Variants in ANKRD13C observed in about 807,000 individuals in gnomAD.
ANKRD13C encodes the protein ankyrin repeat domain 13C.
In ANKRD13C, 16 loss-of-function variants were observed where a neutral mutation model predicts 65.5. The observed-to-expected ratio is 0.24, with a 90% CI of 0.17 to 0.37. ANKRD13C has a LOEUF of 0.37. ANKRD13C is among the 10% of genes least tolerant of loss of function. The pLI is 1.00. For synonymous variants in ANKRD13C, 235 were observed against 238.7 expected, an observed-to-expected ratio of 0.98 and a Z score of 0.14; for missense variants, 503 against 655.9, an observed-to-expected ratio of 0.77 and a Z score of 2.55.
At position 70,274,817 on chromosome 1, in the gene ANKRD13C, C is replaced by T; in HGVS notation, c.1297G>A (p.Ala433Thr). The T allele has an allele frequency of 6.2e-7, 1 of 1,608,626 alleles. No homozygotes were observed. Among genetic ancestry groups the T allele is most frequent in the South Asian group, 1.1e-5 (1 of 90,790 alleles). ...EEYISAENGK[A>T]PHLGRELVCK... The stretch of plus-strand genomic sequence containing the variant: ...ACCAATTCTCTACCCAGATGAGGAG[C>T]TCTAAAATGGGAGGAAAAAAAATGT... Residue 433 changes from alanine (A) to threonine (T), a missense_variant and splice_region_variant, in exon 11 of 13, where the codon GCT (alanine) becomes ACT (threonine). Physicochemically the swap from Ala to Thr is moderately conservative, Grantham distance 58. This residue lies in a region of ANKRD13C where 300 missense variants were observed against 478.3 expected (regional missense o/e 0.63). Coordinates refer to ENST00000370944, the MANE Select transcript of ANKRD13C (RefSeq NM_030816.5).
intron 7 of ANKRD13C, among the ~76,000 whole-genome samples, chr1:70,299,368 TG>T (rs1572083292): frequency 6.6e-6 from 1 of 152,186 alleles, no homozygotes; most frequent in East Asian, 1.9e-4. Context: ...CTTTAGGTAA[TG>T]GGGAACTTTT....
chr1:70,347,386 A>G (rs1456361715), intron 1 of ANKRD13C, among the ~76,000 whole-genome samples: 2 of 152,144 alleles, frequency 1.3e-5, no homozygotes, highest in Non-Finnish European at 2.9e-5. Flanking sequence ...ATTAAAGTAG[A>G]TTTCTATGAC....
intron 2 of ANKRD13C, among the ~76,000 whole-genome samples, chr1:70,331,857 TAA>T (rs1681821684): frequency 2.2e-5 from 3 of 135,716 alleles, no homozygotes; most frequent in African/African-American, 5.4e-5. Context: ...ACACTAAGTA[TAA>T]AGTAGATGTT....
At position 70,271,004 on chromosome 1, in the gene ANKRD13C, T is replaced by C. The variant is rs574535638; in HGVS notation, c.1395-48A>G. 6.7e-6 allele frequency: 8 copies of C among 1,195,932 alleles called. 1 individual carries two copies. In the East Asian group the frequency reaches 7.2e-5, roughly 11 times the overall value. The allele number at this position is 1,195,932 out of a possible 1,614,324, so 74.1% of individuals were successfully genotyped here. A position where few individuals can be genotyped will look rare whatever the true frequency, so the allele number is the denominator to read the frequency against. On this transcript the variant is annotated intron_variant, in intron 11 of 12. Transcript: ENST00000370944. ...AATGTTTTCATTGTTCAAATTGCCT[T>C]GTGTCCTTATGCTTTTCAACTACAT...
intron 3 of ANKRD13C, among the ~76,000 whole-genome samples, chr1:70,317,658 C>G (rs1462904634): frequency 2.0e-5 from 3 of 152,006 alleles, no homozygotes; most frequent in Non-Finnish European, 2.9e-5. Flanking sequence ...TCTGACAAAC[C>G]TTCCTGTTCA....
Position 70,336,087 on chromosome 1 carries a change from A to G in ANKRD13C, c.443T>C (p.Leu148Ser). The G allele has an allele frequency of 1.3e-6, 1 of 795,304 alleles. No homozygotes were observed. Among genetic ancestry groups the G allele is most frequent in the Non-Finnish European group, 1.7e-6 (1 of 572,786 alleles). 49.3% of individuals were successfully genotyped at this position (795,304 alleles called of 1,614,324 possible). Residue 148 changes from leucine to serine, a missense_variant, in exon 2 of 13, where the codon TTA becomes TCA. Physicochemically the swap from Leu to Ser is moderately radical, Grantham distance 145 (BLOSUM62 -2). Transcript: ENST00000370944. ...GQKDNHGNTP[L>S]HLAVMLGNKE... ...ATTTCCTAACATCACAGCAAGGTGT[A>G]AAGGAGTATTTCCTAAAAAAAATAA...
rs1678330303 is a variant in ANKRD13C at position 70,259,691 on chromosome 1, A to G, written c.*3026T>C. 6.6e-6 allele frequency among the ~76,000 whole-genome samples: 1 copy of G among 152,204 alleles called. No homozygotes were observed. Among genetic ancestry groups the G allele is most frequent in the Admixed American group, 6.5e-5 (1 of 15,276 alleles). On this transcript the variant is annotated 3_prime_UTR_variant, in exon 13 of 13. Transcript: ENST00000370944. ...CTTAGTTCTGCTATCTATCTTTACA[A>G]GTGACTTAATACCTCCTGTCCATTT...
chr1:70,330,789 C>T (rs1008929398), intron 2 of ANKRD13C, among the ~76,000 whole-genome samples: 1 of 151,988 alleles, frequency 6.6e-6, no homozygotes. Context: ...TTAAAAGTTG[C>T]AGCAACTGGT....
intron 1 of ANKRD13C, 54 bp downstream of exon 1, chr1:70,353,925 G>A: frequency 6.9e-7 from 1 of 1,454,476 alleles, no homozygotes; most frequent in Non-Finnish European, 9.1e-7. Context: ...GCCTGGGGAG[G>A]CACACCCTAG....
intron 1 of ANKRD13C, among the ~76,000 whole-genome samples, chr1:70,350,676 C>T (rs74336121): frequency 0.011 from 1,637 of 152,194 alleles, 28 homozygotes; most frequent in African/African-American, 0.037. Flanking sequence ...AAACACCAAA[C>T]GCACATTATG....
chr1:70,285,397 G>A (rs1476779359), intron 9 of ANKRD13C, among the ~76,000 whole-genome samples: 9 of 151,780 alleles, frequency 5.9e-5, no homozygotes, highest in African/African-American at 1.9e-4. Context: ...GTTTCACCAC[G>A]TTGGCCAGGC....
chr1:70,346,398 G>A (rs904940368), intron 1 of ANKRD13C, among the ~76,000 whole-genome samples: 4 of 152,032 alleles, frequency 2.6e-5, no homozygotes, highest in African/African-American at 9.7e-5. Context: ...CTTGCACTAA[G>A]ATGTCAACAA....
intron 2 of ANKRD13C, among the ~76,000 whole-genome samples, chr1:70,331,417 C>A (rs944971718): frequency 6.7e-6 from 1 of 149,760 alleles, no homozygotes; most frequent in Non-Finnish European, 1.5e-5. Flanking sequence ...AAAAATTAGC[C>A]GGGCATGGTA....
chr1:70,288,201 G>A (rs569153883), intron 9 of ANKRD13C, among the ~76,000 whole-genome samples: 32 of 152,308 alleles, frequency 2.1e-4, no homozygotes, highest in African/African-American at 7.7e-4. Flanking sequence ...AAATGGGATA[G>A]CATTGAACAC....
chr1:70,278,729 A>G (rs1199058548), intron 9 of ANKRD13C, among the ~76,000 whole-genome samples: 1 of 152,178 alleles, frequency 6.6e-6, no homozygotes, highest in Non-Finnish European at 1.5e-5. Context: ...CATATATTAG[A>G]GTTGTTAAAA....
chr1:70,264,593 T>G (rs1678529960), intron 12 of ANKRD13C, among the ~76,000 whole-genome samples: 1 of 151,948 alleles, frequency 6.6e-6, no homozygotes, highest in South Asian at 2.1e-4. Context: ...GCTTCTCTCA[T>G]TCTCCAAAAA....
At chr1:70,337,572 A>G (rs574730437) in intron 1 of ANKRD13C, among the ~76,000 whole-genome samples, 1 of 152,086 alleles carries the variant, frequency 6.6e-6, no homozygotes, top group East Asian at 1.9e-4. Context: ...CAAGAGTGAA[A>G]CTCTGTCTCA....
intron 10 of ANKRD13C, 28 bp downstream of exon 10, chr1:70,276,737 A>G: frequency 1.3e-6 from 2 of 1,515,270 alleles, no homozygotes; most frequent in Non-Finnish European, 1.8e-6. Flanking sequence ...TAAAAACCAA[A>G]TAACACATAA....
At chr1:70,351,562 G>A (rs1682745219) in intron 1 of ANKRD13C, among the ~76,000 whole-genome samples, 1 of 151,934 alleles carries the variant, frequency 6.6e-6, no homozygotes. Flanking sequence ...ACCATGCCAG[G>A]CTAATTTTCA....
Sources: gnomAD v4.1 joint callset for allele counts (sites outside exome capture counted in the v4.1 genomes callset) on GRCh38, gnomAD v4.1.1 for gene constraint, gnomAD v4.1.1 regional missense constraint, MANE v1.5 for transcripts, NCBI Gene and HGNC (gene_info 2026-07-23, HGNC 2026-07-21) for gene names.